The following ADAM12 variants were observed in gnomAD, a reference collection of about 807,000 sequenced individuals.
The protein encoded by ADAM12 is disintegrin and metalloproteinase domain-containing protein 12.
ADAM12 carries 70 observed loss-of-function variants against 106.4 expected under a neutral mutation model. The observed-to-expected ratio is 0.66, with a 90% CI of 0.54 to 0.80. The LOEUF (loss-of-function observed/expected upper bound fraction) is 0.80, where lower values mean the gene tolerates loss of function less well. Ranked by LOEUF, ADAM12 falls within the 30% of genes least tolerant of loss-of-function variation. ADAM12 has a pLI of 0.00. For synonymous variants in ADAM12, 420 were observed against 433.5 expected (o/e 0.97, Z 0.39); for missense variants, 1,010 against 1,171.9 (o/e 0.86, Z 2.02).
chr10:126,266,634 A>T (rs1242769078), intron 3 of ADAM12, among the ~76,000 whole-genome samples: 2 of 152,198 alleles, frequency 1.3e-5, no homozygotes. Context: ...GAGTCTGGGT[A>T]ATTTAAGAAG....
chr10:126,244,862 A>G (rs1958598418), intron 3 of ADAM12, among the ~76,000 whole-genome samples: 1 of 152,208 alleles, frequency 6.6e-6, no homozygotes, highest in South Asian at 2.1e-4. Flanking sequence ...AGAAGATGAT[A>G]TTGGAGTTGT....
At chr10:126,149,428 A>G (rs2004287) in intron 4 of ADAM12, among the ~76,000 whole-genome samples, 12,847 of 152,190 alleles carry the variant, frequency 0.084, 1,177 homozygotes, top group East Asian at 0.48. Context: ...AAAGAAGGGG[A>G]AAAAGTACTG....
chr10:126,038,379 A>G, intron 19 of ADAM12, 30 bp from the exon 20 acceptor site: 1 of 1,507,092 alleles, frequency 6.6e-7, no homozygotes, highest in South Asian at 1.3e-5. Flanking sequence ...CTGCTGACCA[A>G]GCGTGTTTCC....
At chr10:126,189,731 G>T (rs1293920108) in intron 3 of ADAM12, among the ~76,000 whole-genome samples, 1 of 152,070 alleles carries the variant, frequency 6.6e-6, no homozygotes, top group Non-Finnish European at 1.5e-5. Context: ...GCTTGCTGTG[G>T]AGCCCATGCT....
At chr10:126,189,084 G>A (rs887354020) in intron 3 of ADAM12, among the ~76,000 whole-genome samples, 7 of 152,150 alleles carry the variant, frequency 4.6e-5, no homozygotes, top group African/African-American at 1.7e-4. Flanking sequence ...CCTAGAGTAG[G>A]GAGACAAATG....
chr10:126,328,602 A>C (rs1205147787), intron 2 of ADAM12, among the ~76,000 whole-genome samples: 1 of 152,202 alleles, frequency 6.6e-6, no homozygotes, highest in East Asian at 1.9e-4. Context: ...ATATGAGTAC[A>C]TATTGTAATT....
intron 1 of ADAM12, among the ~76,000 whole-genome samples, chr10:126,341,507 CAAA>C (rs1194059087): frequency 6.6e-6 from 1 of 152,168 alleles, no homozygotes; most frequent in African/African-American, 2.4e-5. Flanking sequence ...TGCACACAAC[CAAA>C]TCCACATGAG....
intron 1 of ADAM12, among the ~76,000 whole-genome samples, chr10:126,339,423 T>A (rs1296255775): frequency 6.6e-6 from 1 of 152,258 alleles, no homozygotes; most frequent in African/African-American, 2.4e-5. Context: ...GCCACGTGTC[T>A]GGATGACTGA....
chr10:126,086,609 A>G, intron 11 of ADAM12, among the ~76,000 whole-genome samples: 1 of 127,368 alleles, frequency 7.9e-6, no homozygotes, highest in Non-Finnish European at 1.6e-5. Context: ...CCTGGGATGC[A>G]GAGGTTGCAG....
chr10:126,098,964 C>A (rs970729127), intron 9 of ADAM12, among the ~76,000 whole-genome samples: 2 of 152,192 alleles, frequency 1.3e-5, no homozygotes, highest in African/African-American at 4.8e-5. Flanking sequence ...TCAAATTGTC[C>A]CGCTAAGATA....
At position 126,039,340 on chromosome 10, in the gene ADAM12, T is replaced by G; in HGVS notation, c.2194A>C (p.Ile732Leu). The G allele has an allele frequency of 6.2e-7, 1 of 1,614,138 alleles. No individual in the cohort carries two copies. The highest frequency in any genetic ancestry group is 1.1e-5 in the South Asian group (1 of 91,086). ...FVVYLKRKTLIRLLFTNKKTT... is the reference protein window; with the variant it reads ...FVVYLKRKTLLRLLFTNKKTT... ...TTCTTATTTGTAAACAGCAGTCGTA[T>G]CAAGGTCTTCCTTTTGAGATAAACC... is the stretch of plus-strand genomic sequence containing the variant. Residue 732 changes from isoleucine (I) to leucine (L), a missense_variant, in exon 19 of 23, where the codon ATA (isoleucine) becomes CTA (leucine). Coordinates refer to ENST00000448723, the MANE Select transcript of ADAM12 (RefSeq NM_001288973.2).
At chr10:126,290,255 C>T (rs1482582203) in intron 2 of ADAM12, among the ~76,000 whole-genome samples, 1 of 152,166 alleles carries the variant, frequency 6.6e-6, no homozygotes, top group Non-Finnish European at 1.5e-5. Flanking sequence ...CGTCAAGGAG[C>T]AGGAAATGGG....
rs145695439 is a variant in ADAM12 at position 126,064,869 on chromosome 10, C to T, written c.1546G>A (p.Gly516Ser). 687 of 1,612,658 alleles carry T rather than the reference C, an allele frequency of 4.3e-4. 1 individual carries two copies. The highest frequency in any genetic ancestry group is 5.1e-4 in the Non-Finnish European group (596 of 1,179,468). ...HDGHSCQDVD[G>S]YCYNGICQTH... ...TGGCAGATGCCATTGTAGCAGTAGC[C>T]GTCCACATCCTGACATGAGTGCCCA... The change falls in exon 14 of 23, where the codon GGC becomes AGC. Residue 516 changes from glycine (G) to serine (S), a missense_variant. Coordinates refer to ENST00000448723, the MANE Select transcript of ADAM12 (RefSeq NM_001288973.2). This position sits in a 1 kb window ranked among gnomAD's most constrained non-coding sequence, Gnocchi z 4.4.
intron 2 of ADAM12, among the ~76,000 whole-genome samples, chr10:126,292,851 A>C (rs1478389525): frequency 9.2e-5 from 14 of 152,204 alleles, no homozygotes; most frequent in Non-Finnish European, 1.5e-4. Flanking sequence ...CAGTCATTTA[A>C]AAAGGTAAAA....
At chr10:126,090,312 CAAAA>C (rs58704417) in intron 11 of ADAM12, among the ~76,000 whole-genome samples, 8 of 123,326 alleles carry the variant, frequency 6.5e-5, no homozygotes, top group Non-Finnish European at 1.0e-4. Context: ...AAACTTTCTG[CAAAA>C]AAAAAAAAAA....
At chr10:126,065,914 C>T (rs1356819463) in intron 13 of ADAM12, among the ~76,000 whole-genome samples, 1 of 152,136 alleles carries the variant, frequency 6.6e-6, no homozygotes, top group Admixed American at 6.5e-5. Context: ...GAGCCAGCTG[C>T]TTATAACATT....
At chr10:126,068,290 T>C (rs1340268546) in intron 12 of ADAM12, among the ~76,000 whole-genome samples, 1 of 152,232 alleles carries the variant, frequency 6.6e-6, no homozygotes, top group East Asian at 1.9e-4. Flanking sequence ...AATGGCTCTA[T>C]GGATGACACA....
chr10:126,189,006 A>G (rs1376346733), intron 3 of ADAM12, among the ~76,000 whole-genome samples: 1 of 152,154 alleles, frequency 6.6e-6, no homozygotes, highest in Non-Finnish European at 1.5e-5. Flanking sequence ...ATCCATGAAC[A>G]TGTTCTAAGC....
chr10:126,290,848 A>T (rs1176964866), intron 2 of ADAM12, among the ~76,000 whole-genome samples: 2 of 152,214 alleles, frequency 1.3e-5, no homozygotes, highest in Non-Finnish European at 2.9e-5. Flanking sequence ...TACTATGTGT[A>T]CGACCAATCA....
Sources: allele counts gnomAD v4.1 joint callset (sites outside exome capture counted in the v4.1 genomes callset), GRCh38; gene constraint gnomAD v4.1.1; non-coding constraint Gnocchi (gnomAD v3.1); transcripts MANE v1.5; gene names NCBI Gene and HGNC (gene_info 2026-07-23, HGNC 2026-07-21).